DCDC2C: variants seen among roughly 807,000 people sequenced by gnomAD.
The protein encoded by DCDC2C is doublecortin domain containing 2C, also known as doublecortin domain-containing protein 2C.
DCDC2C carries 44 observed loss-of-function variants against 45.0 expected under a neutral mutation model. The observed-to-expected ratio is 0.98, with a 90% CI of 0.77 to 1.26. The LOEUF (loss-of-function observed/expected upper bound fraction) is 1.26, where lower values mean the gene tolerates loss of function less well. Ranked by LOEUF, DCDC2C falls within the 50% of genes most tolerant of loss-of-function variation. The probability of loss-of-function intolerance (pLI) is 0.00; values close to 1 mark genes in which losing one functional copy is unlikely to be tolerated. For missense variants in DCDC2C, 447 were observed against 468.9 expected, an observed-to-expected ratio of 0.95 and a Z score of 0.43; for synonymous variants, 187 against 178.8, an observed-to-expected ratio of 1.05 and a Z score of -0.37.
rs1667949603 is a variant in DCDC2C, at chr2:3,703,919, C to T, written c.168C>T (p.Val56=). ...AGCAGCTCACGGAGCAGGTGGACGT[C>T]CCGTTCGGCGTGCGCCGCCTCTTCA... ...LLEQLTEQVD[V]PFGVRRLFTP... Residue 56 remains valine (V), a synonymous_variant, in exon 1 of 11, where the codon GTC becomes GTT. Coordinates refer to ENST00000399143, the MANE Select transcript of DCDC2C (RefSeq NM_001287444.2). This position sits in a 1 kb window ranked among gnomAD's most constrained non-coding sequence, Gnocchi z 4.4. 4 of 1,340,402 alleles carry T rather than the reference C, an allele frequency of 3.0e-6. No homozygotes were observed. The highest frequency in any genetic ancestry group is 3.8e-6 in the Non-Finnish European group (4 of 1,042,166). The allele number at this position is 1,340,402 out of a possible 1,614,324, so 83.0% of individuals were successfully genotyped here. A position where few individuals can be genotyped will look rare whatever the true frequency, so the allele number is the denominator to read the frequency against.
At chr2:3,744,571 T>C (rs1669307524) in intron 4 of DCDC2C, among the ~76,000 whole-genome samples, 1 of 152,152 alleles carries the variant, frequency 6.6e-6, no homozygotes, top group East Asian at 1.9e-4. Flanking sequence ...GAGGCCGCCG[T>C]GGGCAGTGAT....
intron 3 of DCDC2C, among the ~76,000 whole-genome samples, chr2:3,739,074 T>G (rs1669116862): frequency 6.6e-6 from 1 of 152,218 alleles, no homozygotes; most frequent in Admixed American, 6.5e-5. Flanking sequence ...CATTTCCTAG[T>G]TTATAAATCA....
chr2:3,791,400 C>T (rs1670808078), intron 10 of DCDC2C, among the ~76,000 whole-genome samples: 1 of 152,152 alleles, frequency 6.6e-6, no homozygotes, highest in Non-Finnish European at 1.5e-5. Flanking sequence ...GACCAATCGC[C>T]TTTTCGTGTG....
rs1477081003 is a variant in DCDC2C at position 3,703,867 on chromosome 2, G to A, written c.116G>A (p.Arg39His). ...VGKKFVLSRR[R>H]AATFEALLEQ... ...AAGAAGTTCGTGCTGTCGCGGCGCC[G>A]CGCGGCCACCTTCGAGGCGCTGCTG... The change falls in exon 1 of 11, where the codon CGC (arginine) becomes CAC (histidine). Residue 39 changes from arginine (R) to histidine (H), a missense_variant. By Grantham distance (29) the Arg-to-His change is conservative. Transcript: ENST00000399143. The surrounding 1 kb of genome is among the most constrained non-coding windows in gnomAD (Gnocchi z 4.4). The A allele has an allele frequency of 1.2e-5, 16 of 1,292,760 alleles. No individual in the cohort carries two copies. The highest frequency in any genetic ancestry group is 4.1e-5 in the Admixed American group (1 of 24,608). The allele number at this position is 1,292,760 out of a possible 1,614,324, so 80.1% of individuals were successfully genotyped here.
chr2:3,782,668 C>T (rs962712886), intron 9 of DCDC2C, among the ~76,000 whole-genome samples: 8 of 152,102 alleles, frequency 5.3e-5, no homozygotes, highest in African/African-American at 1.2e-4. Context: ...TTAGTAGAGA[C>T]GGGGTTTCAC....
At chr2:3,733,613 C>A (rs1333097947) in intron 3 of DCDC2C, among the ~76,000 whole-genome samples, 1 of 152,148 alleles carries the variant, frequency 6.6e-6, no homozygotes, top group African/African-American at 2.4e-5. Flanking sequence ...TGGTGTCTGG[C>A]GAGGGGTGTT....
At chr2:3,743,196 A>AATATCAAC (rs1553374082) in intron 4 of DCDC2C, among the ~76,000 whole-genome samples, 1 of 151,442 alleles carries the variant, frequency 6.6e-6, no homozygotes, top group East Asian at 1.9e-4. Flanking sequence ...GCCCATCAAG[A>AATATCAAC]ATATACAACA....
chr2:3,726,912 A>G, intron 2 of DCDC2C, 91 bp from the exon 3 acceptor site: 1 of 1,165,884 alleles, frequency 8.6e-7, no homozygotes, highest in South Asian at 1.4e-5. Context: ...CCCCTTTCTT[A>G]TGTTTTAGGG....
Position 3,734,862 on chromosome 2 carries a change from A to C in DCDC2C, c.417-7058A>C, listed in dbSNP as rs1216439280. On this transcript the variant is annotated intron_variant, in intron 3 of 10. Transcript: ENST00000399143. This position sits in a 1 kb window ranked among gnomAD's most constrained non-coding sequence, Gnocchi z 4.2. ...GTTCAAGGTGGGGGTGAAAGTACAG[A>C]GCCCTTCAGGTTCATGAAAGTGTCT... is the stretch of plus-strand genomic sequence containing the variant. Among the ~76,000 whole-genome samples, 1 of 152,182 alleles carries C rather than the reference A, an allele frequency of 6.6e-6. No individual in the cohort carries two copies. Among genetic ancestry groups the C allele is most frequent in the East Asian group, 1.9e-4 (1 of 5,196 alleles).
chr2:3,841,450 A>G (rs1235346349), intron 10 of DCDC2C, among the ~76,000 whole-genome samples: 2 of 107,374 alleles, frequency 1.9e-5, no homozygotes, highest in African/African-American at 3.1e-5. Context: ...ATACATTTTG[A>G]TATCCTAAAT....
At chr2:3,764,266 T>C (rs2148145982) in intron 6 of DCDC2C, among the ~76,000 whole-genome samples, 1 of 152,356 alleles carries the variant, frequency 6.6e-6, no homozygotes, top group African/African-American at 2.4e-5. Flanking sequence ...ATTCAATTTG[T>C]AAGGTCCTCA....
chr2:3,812,146 A>G (rs1236039945), intron 10 of DCDC2C, among the ~76,000 whole-genome samples: 1 of 151,936 alleles, frequency 6.6e-6, no homozygotes, highest in Non-Finnish European at 1.5e-5. Context: ...AGTTTCAGAA[A>G]GAATGGTACC....
chr2:3,724,583 G>A (rs1010603308), intron 2 of DCDC2C, among the ~76,000 whole-genome samples: 5 of 152,222 alleles, frequency 3.3e-5, no homozygotes, highest in Admixed American at 6.5e-5. Context: ...TGGCACTTTC[G>A]TAGATGACAT....
rs1668414256 is a variant in DCDC2C, at chr2:3,718,720, T to C, written c.340-8283T>C. 2.0e-5 allele frequency among the ~76,000 whole-genome samples: 3 copies of C among 152,168 alleles called. No individual in the cohort carries two copies. In the South Asian group the frequency reaches 6.2e-4, roughly 32 times the overall value. ...AACAAGCTCTGTGCTGGGTGGAGGCTTTTCCTATTGTGTCTGGAGTTGGTT... is the reference window on the plus strand; with the variant it reads ...AACAAGCTCTGTGCTGGGTGGAGGCCTTTCCTATTGTGTCTGGAGTTGGTT... On this transcript the variant is annotated intron_variant, in intron 2 of 10. Transcript: ENST00000399143.
intron 10 of DCDC2C, among the ~76,000 whole-genome samples, chr2:3,825,672 C>T (rs1007729604): frequency 2.0e-5 from 3 of 152,132 alleles, no homozygotes; most frequent in African/African-American, 7.2e-5. Flanking sequence ...GTTCAACAAC[C>T]TGGGATGGAG....
intron 8 of DCDC2C, among the ~76,000 whole-genome samples, chr2:3,773,980 A>G (rs1670257826): frequency 6.6e-6 from 1 of 152,258 alleles, no homozygotes; most frequent in Non-Finnish European, 1.5e-5. Context: ...TTGGATTCTC[A>G]AATAGCAACT....
intron 7 of DCDC2C, 114 bp downstream of exon 7, chr2:3,767,994 A>G (rs1572600900): frequency 1.7e-6 from 2 of 1,152,792 alleles, no homozygotes; most frequent in East Asian, 3.0e-5. Context: ...TTTGACTTGT[A>G]ACTATCTGCT....
At chr2:3,767,040 G>A (rs1469106050) in intron 6 of DCDC2C, among the ~76,000 whole-genome samples, 1 of 152,232 alleles carries the variant, frequency 6.6e-6, no homozygotes, top group African/African-American at 2.4e-5. Context: ...CCGCCTCCAG[G>A]CCAACGTAAG....
At chr2:3,772,722 T>C (rs115476761) in intron 8 of DCDC2C, among the ~76,000 whole-genome samples, 89 of 152,346 alleles carry the variant, frequency 5.8e-4, no homozygotes, top group African/African-American at 2.0e-3. Context: ...ATTAATTTAC[T>C]CACAAAACAA....
Sources: allele counts gnomAD v4.1 joint callset (sites outside exome capture counted in the v4.1 genomes callset), GRCh38; gene constraint gnomAD v4.1.1; non-coding constraint Gnocchi (gnomAD v3.1); transcripts MANE v1.5; gene names NCBI Gene and HGNC (gene_info 2026-07-23, HGNC 2026-07-21).